Variants in SDK1 observed in about 807,000 individuals in gnomAD.
SDK1 encodes the protein sidekick cell adhesion molecule 1, also known as protein sidekick-1.
Under a neutral mutation model 245.5 loss-of-function variants are expected in SDK1, and 157 were observed. That is an observed-to-expected ratio of 0.64 (90% CI 0.56 to 0.73). The LOEUF (loss-of-function observed/expected upper bound fraction) is 0.73. SDK1 is among the 30% of genes least tolerant of loss of function. SDK1 has a pLI of 0.00. For synonymous variants in SDK1, 1,647 were observed against 1,278.5 expected (o/e 1.29, Z -6.15); for missense variants, 3,583 against 3,002.3 (o/e 1.19, Z -4.52).
intron 22 of SDK1, among the ~76,000 whole-genome samples, chr7:4,084,078 A>C (rs1022568233): frequency 6.6e-6 from 1 of 152,184 alleles, no homozygotes; most frequent in African/African-American, 2.4e-5. Flanking sequence ...TATTTCTATC[A>C]GTCTTTCCTC....
At chr7:3,397,237 G>C (rs559290607) in intron 1 of SDK1, among the ~76,000 whole-genome samples, 1 of 151,788 alleles carries the variant, frequency 6.6e-6, no homozygotes, top group African/African-American at 2.4e-5. Context: ...GGAGAAAAGC[G>C]TTCTCAAAAA....
chr7:3,366,932 G>T (rs990321466), intron 1 of SDK1, among the ~76,000 whole-genome samples: 3 of 151,902 alleles, frequency 2.0e-5, no homozygotes, highest in Admixed American at 6.6e-5. Context: ...AGTAGAGACA[G>T]GGTTTTACCA....
intron 35 of SDK1, among the ~76,000 whole-genome samples, chr7:4,187,103 C>T (rs1782940355): frequency 1.3e-5 from 2 of 152,018 alleles, no homozygotes; most frequent in Non-Finnish European, 2.9e-5. Context: ...TGTGTTATGT[C>T]TGTGTGAGGG....
At position 3,671,565 on chromosome 7, in the gene SDK1, A is replaced by G. The variant is rs139861029; in HGVS notation, c.713+29460A>G. Among the ~76,000 whole-genome samples, 907 of 152,252 alleles carry G rather than the reference A, an allele frequency of 6.0e-3. 2 individuals carry two copies. Among genetic ancestry groups the G allele is most frequent in the Non-Finnish European group, 9.3e-3 (632 of 68,016 alleles). On this transcript the variant is annotated intron_variant, in intron 4 of 44. Coordinates refer to ENST00000404826, the MANE Select transcript of SDK1 (RefSeq NM_152744.4). ...AATGTGTAGTCTGTATGATCATATCATTGCTGTTATACCTATTTACAAGTT... is the reference window on the plus strand; with the variant it reads ...AATGTGTAGTCTGTATGATCATATCGTTGCTGTTATACCTATTTACAAGTT...
intron 29 of SDK1, 112 bp downstream of exon 29, chr7:4,146,028 A>G: frequency 1.1e-6 from 1 of 897,872 alleles, no homozygotes; most frequent in Non-Finnish European, 1.7e-6. Flanking sequence ...CCCTTCGGAG[A>G]AAGAGAAGGG....
intron 5 of SDK1, among the ~76,000 whole-genome samples, chr7:3,915,573 A>G (rs1272644845): frequency 6.6e-6 from 1 of 152,166 alleles, no homozygotes; most frequent in African/African-American, 2.4e-5. Flanking sequence ...TTACACCATG[A>G]TGGTGGGGCC....
At chr7:3,467,666 C>T (rs1358664048) in intron 1 of SDK1, among the ~76,000 whole-genome samples, 1 of 152,004 alleles carries the variant, frequency 6.6e-6, no homozygotes, top group Non-Finnish European at 1.5e-5. Context: ...TTTGTTTAAA[C>T]CTTACATTCA....
At chr7:4,049,799 CAGG>C (rs998659966) in intron 18 of SDK1, among the ~76,000 whole-genome samples, 1 of 152,180 alleles carries the variant, frequency 6.6e-6, no homozygotes, top group Non-Finnish European at 1.5e-5. Context: ...GAGGTCCTCT[CAGG>C]AGAACACAGG....
rs58540106 is a variant in SDK1 at position 3,491,495 on chromosome 7, A to C, written c.299-127585A>C. Among the ~76,000 whole-genome samples, 834 of 152,372 alleles carry C rather than the reference A, an allele frequency of 5.5e-3. 6 individuals carry two copies. The highest frequency in any genetic ancestry group is 0.019 in the African/African-American group (798 of 41,574). On this transcript the variant is annotated intron_variant, in intron 1 of 44. Transcript: ENST00000404826. ...ACAGAAATATGTCGTTGAATTGCCT[A>C]TAAAATGAATTAAAGATTGGAGCAT...
chr7:3,470,589 G>C (rs538093040), intron 1 of SDK1, among the ~76,000 whole-genome samples: 5 of 152,090 alleles, frequency 3.3e-5, no homozygotes, highest in African/African-American at 1.2e-4. Flanking sequence ...AACTAGGTAC[G>C]CTGGAGACTT....
At chr7:4,099,814 A>G (rs916198513) in intron 22 of SDK1, among the ~76,000 whole-genome samples, 13 of 150,844 alleles carry the variant, frequency 8.6e-5, no homozygotes, top group African/African-American at 2.4e-5. Flanking sequence ...GGGAAAGGCC[A>G]TGCTTGGGGG....
chr7:3,472,748 C>T (rs1048059385), intron 1 of SDK1, among the ~76,000 whole-genome samples: 7 of 152,180 alleles, frequency 4.6e-5, no homozygotes, highest in African/African-American at 1.4e-4. Context: ...GACACTGAGG[C>T]CAGTGACGTC....
intron 40 of SDK1, among the ~76,000 whole-genome samples, chr7:4,224,028 G>A (rs975527187): frequency 6.6e-6 from 1 of 152,116 alleles, no homozygotes; most frequent in African/African-American, 2.4e-5. Flanking sequence ...CTCTTCATAC[G>A]TCTTCCAAGG....
At position 3,931,655 on chromosome 7, in the gene SDK1, G is replaced by A. The variant is rs114412560; in HGVS notation, c.848-19268G>A. Among the ~76,000 whole-genome samples the A allele has an allele frequency of 6.1e-3, 932 of 152,262 alleles. 13 individuals are homozygous for A. The highest frequency in any genetic ancestry group is 0.021 in the African/African-American group (880 of 41,542). On this transcript the variant is annotated intron_variant, in intron 5 of 44. Coordinates refer to ENST00000404826, the MANE Select transcript of SDK1 (RefSeq NM_152744.4). Reference sequence around the variant, plus strand: ...CATCTTCCTCAGTGATATTTGCTCAGCATCCCTAGGTTGATTGGTCTATGC... The same window carrying A: ...CATCTTCCTCAGTGATATTTGCTCAACATCCCTAGGTTGATTGGTCTATGC...
At chr7:3,517,023 A>T (rs142912880) in intron 1 of SDK1, among the ~76,000 whole-genome samples, 79 of 152,290 alleles carry the variant, frequency 5.2e-4, no homozygotes, top group African/African-American at 1.8e-3. Flanking sequence ...TCAGAAGATT[A>T]GGGTTATAAG....
At chr7:4,084,728 TATGTTGTTACTTAAATGTA>T (rs1562786976) in intron 22 of SDK1, among the ~76,000 whole-genome samples, 1 of 91,234 alleles carries the variant, frequency 1.1e-5, no homozygotes. Flanking sequence ...TATGTTATGT[TATGTTGTTACTTAAATGTA>T]TATTTTATTT....
chr7:3,415,363 TGTGTGTAGAGAA>T (rs1246711382), intron 1 of SDK1, among the ~76,000 whole-genome samples: 9 of 152,146 alleles, frequency 5.9e-5, no homozygotes, highest in Admixed American at 3.3e-4. Context: ...TGCAGGTGTA[TGTGTGTAGAGAA>T]GTGTGTAGAG....
intron 2 of SDK1, among the ~76,000 whole-genome samples, chr7:3,623,707 G>T (rs1782020511): frequency 6.6e-6 from 1 of 151,958 alleles, no homozygotes; most frequent in African/African-American, 2.4e-5. Context: ...TTTCTACTTT[G>T]GAATGAAAAA....
At chr7:4,098,231 C>G (rs2128186124) in intron 22 of SDK1, among the ~76,000 whole-genome samples, 1 of 152,264 alleles carries the variant, frequency 6.6e-6, no homozygotes, top group African/African-American at 2.4e-5. Context: ...GAAAATACTG[C>G]CGCATACGTG....
Sources: gnomAD v4.1 joint callset for allele counts (sites outside exome capture counted in the v4.1 genomes callset) on GRCh38, gnomAD v4.1.1 for gene constraint, MANE v1.5 for transcripts, NCBI Gene and HGNC (gene_info 2026-07-23, HGNC 2026-07-21) for gene names.